PXT1: variants seen among roughly 807,000 people sequenced by gnomAD.
The protein encoded by PXT1 is peroxisomal testis enriched protein 1, also known as peroxisomal testis-specific protein 1.
Under a neutral mutation model 11.0 loss-of-function variants are expected in PXT1, and 11 were observed. That is an observed-to-expected ratio of 1.00 (90% CI 0.63 to 1.66). The LOEUF (loss-of-function observed/expected upper bound fraction) is 1.66. Among genes scored for constraint, PXT1 ranks in the 40% most tolerant of loss-of-function variants. The pLI, the probability that PXT1 is intolerant of heterozygous loss-of-function variation, is 0.00. For synonymous variants in PXT1, 43 were observed against 51.4 expected, an observed-to-expected ratio of 0.84 and a Z score of 0.70; for missense variants, 141 against 155.5, an observed-to-expected ratio of 0.91 and a Z score of 0.49.
intron 2 of PXT1, among the ~76,000 whole-genome samples, chr6:36,433,472 A>G (rs968401097): frequency 2.0e-5 from 3 of 152,104 alleles, no homozygotes; most frequent in Non-Finnish European, 4.4e-5. Context: ...TTAAGAAATC[A>G]GTGTCATGGG....
intron 2 of PXT1, among the ~76,000 whole-genome samples, chr6:36,436,088 AAATT>A (rs1369063097): frequency 6.8e-6 from 1 of 146,984 alleles, no homozygotes; most frequent in African/African-American, 2.5e-5. Flanking sequence ...CATTTAATAA[AAATT>A]AATTAAAAAA....
At position 36,402,080 on chromosome 6, in the gene PXT1, G is replaced by C. The variant is rs1774222705; in HGVS notation, c.170-1496C>G. The stretch of plus-strand genomic sequence containing the variant: ...GATTTTCACACCTTGATATTCCAAA[G>C]TACTGGGATTATAGGAATGAGCCAC... On this transcript the variant is annotated intron_variant, in intron 3 of 4. Transcript: ENST00000454782. Among the ~76,000 whole-genome samples, 5 of 151,846 alleles carry C rather than the reference G, an allele frequency of 3.3e-5. No individual in the cohort carries two copies. In the South Asian group the frequency reaches 6.2e-4, roughly 19 times the overall value.
At chr6:36,404,315 T>C (rs1197397726) in intron 3 of PXT1, among the ~76,000 whole-genome samples, 1 of 152,166 alleles carries the variant, frequency 6.6e-6, no homozygotes, top group Non-Finnish European at 1.5e-5. Context: ...TCTCATAAGA[T>C]TACAATAAAG....
intron 3 of PXT1, among the ~76,000 whole-genome samples, chr6:36,413,991 C>T (rs924937545): frequency 4.6e-5 from 7 of 152,146 alleles, no homozygotes; most frequent in African/African-American, 1.4e-4. Context: ...AGGGTGAGAT[C>T]TTGTCTCTAA....
chr6:36,441,040 G>A (rs1056520321), intron 1 of PXT1, among the ~76,000 whole-genome samples: 10 of 150,954 alleles, frequency 6.6e-5, no homozygotes, highest in Non-Finnish European at 1.3e-4. Flanking sequence ...GCAGAAGCAG[G>A]AGGATAGCTT....
chr6:36,417,826 T>C (rs913803333), intron 3 of PXT1, among the ~76,000 whole-genome samples: 6 of 149,844 alleles, frequency 4.0e-5, no homozygotes. Flanking sequence ...GAGGAATAAA[T>C]GTAAATGCAC....
intron 3 of PXT1, among the ~76,000 whole-genome samples, chr6:36,418,752 C>T (rs1774485454): frequency 6.6e-6 from 1 of 152,170 alleles, no homozygotes; most frequent in South Asian, 2.1e-4. Flanking sequence ...GGAAGAGTGC[C>T]TGAGGGCACT....
intron 3 of PXT1, among the ~76,000 whole-genome samples, chr6:36,423,508 T>G (rs1384868579): frequency 6.6e-6 from 1 of 152,228 alleles, no homozygotes; most frequent in Non-Finnish European, 1.5e-5. Context: ...GGCGCGCGCG[T>G]AGCTCGCCTC....
In PXT1 at chr6:36,432,050, C is replaced by T. The variant is rs144028193; in HGVS notation, c.-9-5959G>A. ...TGCGCCACTGCAATCCAGCCTGGGC[C>T]ACAGCGCAAGACTCGTCTCAACAAA... is the stretch of plus-strand genomic sequence containing the variant. On this transcript the variant is annotated intron_variant, in intron 2 of 4. Coordinates refer to ENST00000454782, the MANE Select transcript of PXT1 (RefSeq NM_152990.4). Among the ~76,000 whole-genome samples, 532 of 152,140 alleles carry T rather than the reference C, an allele frequency of 3.5e-3. 1 individual carries two copies. The highest frequency in any genetic ancestry group is 0.012 in the African/African-American group (506 of 41,512).
chr6:36,432,852 T>C, intron 2 of PXT1, among the ~76,000 whole-genome samples: 1 of 151,528 alleles, frequency 6.6e-6, no homozygotes, highest in Non-Finnish European at 1.5e-5. Flanking sequence ...GTCAGACATA[T>C]TACTGAAAAG....
At chr6:36,437,287 A>AAAAC (rs148290404) in intron 2 of PXT1, among the ~76,000 whole-genome samples, 1 of 151,282 alleles carries the variant, frequency 6.6e-6, no homozygotes, top group East Asian at 2.0e-4. Context: ...ACTCCATCTC[A>AAAAC]AAACAAACAA....
In PXT1 at chr6:36,415,470, A is replaced by T. The variant is rs115370148; in HGVS notation, c.169+10444T>A. ...AAAAATTAATTAATTAATTAATTAA[A>T]TAAAACAAAAAGAATTGCTGGTATA... On this transcript the variant is annotated intron_variant, in intron 3 of 4. Transcript: ENST00000454782. 3.5e-3 allele frequency among the ~76,000 whole-genome samples: 527 copies of T among 152,308 alleles called. 1 individual carries two copies. The highest frequency in any genetic ancestry group is 0.012 in the African/African-American group (491 of 41,552).
intron 3 of PXT1, among the ~76,000 whole-genome samples, chr6:36,419,753 A>G (rs979447378): frequency 6.6e-6 from 1 of 152,232 alleles, no homozygotes; most frequent in Non-Finnish European, 1.5e-5. Flanking sequence ...TTTGTCTTGA[A>G]GTCAGCTCTC....
intron 3 of PXT1, among the ~76,000 whole-genome samples, chr6:36,413,487 C>A (rs1427282307): frequency 6.6e-6 from 1 of 152,014 alleles, no homozygotes; most frequent in Non-Finnish European, 1.5e-5. Context: ...AAAACTTCAC[C>A]CTTTGAACAT....
At chr6:36,417,662 G>A (rs555892818) in intron 3 of PXT1, among the ~76,000 whole-genome samples, 1 of 150,214 alleles carries the variant, frequency 6.7e-6, no homozygotes, top group East Asian at 2.0e-4. Context: ...TAGCTACTTG[G>A]GAGGCTGAGG....
chr6:36,416,245 A>G (rs1774445898), intron 3 of PXT1, among the ~76,000 whole-genome samples: 1 of 152,148 alleles, frequency 6.6e-6, no homozygotes, highest in South Asian at 2.1e-4. Flanking sequence ...ACTACTCAGA[A>G]GGCTGAAGTG....
chr6:36,424,471 C>T (rs1361210389), intron 3 of PXT1, among the ~76,000 whole-genome samples: 2 of 151,360 alleles, frequency 1.3e-5, no homozygotes, highest in Non-Finnish European at 2.9e-5. Context: ...GAAACCCCGT[C>T]TCTACTAAAA....
intron 2 of PXT1, among the ~76,000 whole-genome samples, chr6:36,426,565 T>TAGTAGA (rs1774610938): frequency 6.6e-6 from 1 of 152,024 alleles, no homozygotes; most frequent in Non-Finnish European, 1.5e-5. Flanking sequence ...AAACAGGGTT[T>TAGTAGA]CACCATGTCG....
chr6:36,438,832 G>T lies in PXT1; in HGVS notation c.-75C>A, dbSNP rs1391148122. On this transcript the variant is annotated 5_prime_UTR_variant, in exon 2 of 5. Coordinates refer to ENST00000454782, the MANE Select transcript of PXT1 (RefSeq NM_152990.4). Reference sequence around the variant, plus strand: ...CATGCTTGAGTTAATAAATTGCAAAGTTTCCCTCTTTTGTTTGCTTTGTTT... The same window carrying T: ...CATGCTTGAGTTAATAAATTGCAAATTTTCCCTCTTTTGTTTGCTTTGTTT... The T allele has an allele frequency of 1.3e-5, 2 of 152,156 alleles. No homozygotes were observed. The highest frequency in any genetic ancestry group is 2.9e-5 in the Non-Finnish European group (2 of 68,018). 9.4% of individuals were successfully genotyped at this position (152,156 alleles called of 1,614,324 possible).
Sources: allele counts gnomAD v4.1 joint callset (sites outside exome capture counted in the v4.1 genomes callset), GRCh38; gene constraint gnomAD v4.1.1; transcripts MANE v1.5; gene names NCBI Gene and HGNC (gene_info 2026-07-23, HGNC 2026-07-21).